The following ABL2 variants were observed in gnomAD, a reference collection of about 807,000 sequenced individuals.
The protein encoded by ABL2 is tyrosine-protein kinase ABL2.
In ABL2, 49 loss-of-function variants were observed where a neutral mutation model predicts 107.7. That is an observed-to-expected ratio of 0.45 (90% confidence interval 0.36 to 0.58). The LOEUF is 0.58. Ranked by LOEUF, ABL2 falls within the 20% of genes least tolerant of loss-of-function variation. The pLI is 0.00. For missense variants in ABL2, 1,245 were observed against 1,457.0 expected (o/e 0.85, Z 2.37); for synonymous variants, 549 against 548.6 (o/e 1.00, Z -0.01).
intron 1 of ABL2, among the ~76,000 whole-genome samples, chr1:179,134,389 A>G (rs1656638116): frequency 6.6e-6 from 1 of 152,158 alleles, no homozygotes; most frequent in East Asian, 1.9e-4. Flanking sequence ...CTCTATTAAA[A>G]ATACAAAAAT....
intron 1 of ABL2, among the ~76,000 whole-genome samples, chr1:179,207,469 A>T (rs900918982): frequency 3.9e-5 from 6 of 152,164 alleles, no homozygotes; most frequent in African/African-American, 9.7e-5. Flanking sequence ...TTAATTTTTT[A>T]AAATTTATTT....
At chr1:179,183,565 GT>G in intron 1 of ABL2, among the ~76,000 whole-genome samples, 1 of 152,138 alleles carries the variant, frequency 6.6e-6, no homozygotes. Context: ...GATAATTCCT[GT>G]TTTTGTTCAT....
At chr1:179,201,420 T>A (rs1235880489) in intron 1 of ABL2, 1 of 170,318 alleles carries the variant, frequency 5.9e-6, no homozygotes, top group African/African-American at 2.4e-5. Flanking sequence ...ATGGGATGAT[T>A]AAATTATTTG....
intron 5 of ABL2, among the ~76,000 whole-genome samples, chr1:179,121,071 C>CCTCA: frequency 6.6e-6 from 1 of 152,256 alleles, no homozygotes; most frequent in Admixed American, 6.5e-5. Context: ...GAGACAGTTA[C>CCTCA]TGAGGCTCTG....
Position 179,229,498 on chromosome 1 carries a change from G to A in ABL2, c.-101C>T. The A allele has an allele frequency of 5.4e-6, 7 of 1,292,756 alleles. No homozygotes were observed. Among genetic ancestry groups the A allele is most frequent in the Non-Finnish European group, 7.0e-6 (7 of 998,170 alleles). The allele number at this position is 1,292,756 out of a possible 1,614,324, so 80.1% of individuals were successfully genotyped here. A position where few individuals can be genotyped will look rare whatever the true frequency, so the allele number is the denominator to read the frequency against. ...GCGCTGCTCCGGTCTCTCCCTCCCA[G>A]CCCAGGCCCTGGCCCTGAGTGGCTG... is the stretch of plus-strand genomic sequence containing the variant. On this transcript the variant is annotated 5_prime_UTR_variant, in exon 1 of 12. Coordinates refer to ENST00000502732, the MANE Select transcript of ABL2 (RefSeq NM_007314.4).
intron 1 of ABL2, among the ~76,000 whole-genome samples, chr1:179,175,983 G>A (rs1035590866): frequency 8.6e-5 from 13 of 151,616 alleles, no homozygotes; most frequent in African/African-American, 4.8e-5. Context: ...AGCCTCCCAA[G>A]TAGCTGGGAT....
At chr1:179,139,084 G>A (rs938144199) in intron 1 of ABL2, among the ~76,000 whole-genome samples, 15 of 152,268 alleles carry the variant, frequency 9.9e-5, no homozygotes, top group African/African-American at 2.4e-4. Context: ...GCCTTCCCGC[G>A]GGGCAGGCCA....
chr1:179,186,386 T>A (rs1367459668), intron 1 of ABL2, among the ~76,000 whole-genome samples: 2 of 152,164 alleles, frequency 1.3e-5, no homozygotes, highest in East Asian at 3.8e-4. Context: ...TTTGTTGTTG[T>A]TGTTGTTTTG....
At chr1:179,206,561 C>T (rs1429634848) in intron 1 of ABL2, among the ~76,000 whole-genome samples, 1 of 148,532 alleles carries the variant, frequency 6.7e-6, no homozygotes, top group Non-Finnish European at 1.5e-5. Context: ...CCAACATAAG[C>T]TATATAATAG....
chr1:179,206,660 C>T (rs773095361), intron 1 of ABL2, among the ~76,000 whole-genome samples: 29 of 151,956 alleles, frequency 1.9e-4, no homozygotes, highest in Non-Finnish European at 4.1e-4. Flanking sequence ...GTATATACAA[C>T]GAACTGGTGA....
Position 179,221,671 on chromosome 1 carries a change from C to T in ABL2, c.157+7570G>A, listed in dbSNP as rs190829755. On this transcript the variant is annotated intron_variant, in intron 1 of 11. Transcript: ENST00000502732. Reference sequence around the variant, plus strand: ...CCCATTGCCAACTACATCATGACAACAGACACTTATGTGTTCATCAATACT... The same window carrying T: ...CCCATTGCCAACTACATCATGACAATAGACACTTATGTGTTCATCAATACT... 214 of 208,398 alleles carry T rather than the reference C, an allele frequency of 1.0e-3. 1 individual carries two copies. The highest frequency in any genetic ancestry group is 4.8e-3 in the African/African-American group (207 of 42,750). 12.9% of individuals were successfully genotyped at this position (208,398 alleles called of 1,614,324 possible).
chr1:179,109,549 G>A, intron 11 of ABL2, 108 bp from the exon 12 acceptor site: 1 of 1,478,872 alleles, frequency 6.8e-7, no homozygotes, highest in South Asian at 1.4e-5. Flanking sequence ...CAAAGGTCAG[G>A]TGTTGGCAGG....
intron 1 of ABL2, among the ~76,000 whole-genome samples, chr1:179,215,487 A>G (rs1234327785): frequency 1.3e-5 from 2 of 152,108 alleles, no homozygotes; most frequent in Non-Finnish European, 2.9e-5. Context: ...TAATCCCAGC[A>G]CTTTGGGAGG....
At chr1:179,153,231 T>C (rs1350963872) in intron 1 of ABL2, among the ~76,000 whole-genome samples, 1 of 152,178 alleles carries the variant, frequency 6.6e-6, no homozygotes, top group Non-Finnish European at 1.5e-5. Flanking sequence ...TTCCTGTTCA[T>C]TTCGTACATC....
At chr1:179,203,205 T>A (rs1401640147) in intron 1 of ABL2, among the ~76,000 whole-genome samples, 1 of 152,254 alleles carries the variant, frequency 6.6e-6, no homozygotes, top group African/African-American at 2.4e-5. Flanking sequence ...ATAAATGGCT[T>A]ATATTTTTTC....
At chr1:179,218,898 G>A (rs911370709) in intron 1 of ABL2, among the ~76,000 whole-genome samples, 1 of 152,200 alleles carries the variant, frequency 6.6e-6, no homozygotes, top group Non-Finnish European at 1.5e-5. Context: ...TGTTCTATAT[G>A]ATTTGAAGTA....
intron 1 of ABL2, among the ~76,000 whole-genome samples, chr1:179,189,807 G>C (rs566493042): frequency 1.3e-5 from 2 of 151,936 alleles, no homozygotes; most frequent in African/African-American, 4.8e-5. Flanking sequence ...GCACAAGCTG[G>C]GTGTCTTACC....
At chr1:179,141,273 A>G (rs576936915) in intron 1 of ABL2, among the ~76,000 whole-genome samples, 39 of 152,090 alleles carry the variant, frequency 2.6e-4, no homozygotes, top group Admixed American at 5.9e-4. Context: ...TCTAGACAAT[A>G]GAACAAAACC....
chr1:179,128,017 A>C (rs537546497), intron 3 of ABL2, among the ~76,000 whole-genome samples: 1 of 146,588 alleles, frequency 6.8e-6, no homozygotes, highest in Non-Finnish European at 1.5e-5. Context: ...CCTGGGAGAC[A>C]GAGTGAGACT....
Sources: allele counts gnomAD v4.1 joint callset (sites outside exome capture counted in the v4.1 genomes callset), GRCh38; gene constraint gnomAD v4.1.1; transcripts MANE v1.5; gene names NCBI Gene and HGNC (gene_info 2026-07-23, HGNC 2026-07-21).